The following TDRD9 variants were observed in gnomAD, a reference collection of about 807,000 sequenced individuals.
TDRD9 encodes tudor domain containing 9.
In TDRD9, 124 loss-of-function variants were observed where a neutral mutation model predicts 172.6. The observed-to-expected ratio is 0.72, with a 90% confidence interval of 0.62 to 0.83. TDRD9 has a LOEUF of 0.83. TDRD9 is among the 40% of genes least tolerant of loss of function. The pLI is 0.00. For missense variants in TDRD9, 1,479 were observed against 1,714.1 expected, an observed-to-expected ratio of 0.86 and a Z score of 2.42; for synonymous variants, 619 against 617.1, an observed-to-expected ratio of 1.00 and a Z score of -0.05.
intron 5 of TDRD9, among the ~76,000 whole-genome samples, chr14:103,970,254 C>T (rs1004088897): frequency 1.9e-4 from 29 of 152,112 alleles, no homozygotes; most frequent in African/African-American, 6.8e-4. Context: ...ACCTTGGGCA[C>T]AGTTGGCAGT....
intron 6 of TDRD9, among the ~76,000 whole-genome samples, chr14:103,974,520 C>A (rs960123795): frequency 3.3e-5 from 5 of 152,236 alleles, no homozygotes; most frequent in Non-Finnish European, 5.9e-5. Context: ...CCACTGTCGT[C>A]CTGGGACTTC....
At chr14:103,972,690 C>G (rs545573293) in intron 6 of TDRD9, among the ~76,000 whole-genome samples, 1 of 152,210 alleles carries the variant, frequency 6.6e-6, no homozygotes, top group African/African-American at 2.4e-5. Flanking sequence ...CTTTCTAAAC[C>G]ATAAAGCATT....
intron 1 of TDRD9, among the ~76,000 whole-genome samples, chr14:103,943,490 C>CAT (rs1180597468): frequency 2.7e-5 from 4 of 148,300 alleles, no homozygotes; most frequent in Non-Finnish European, 5.9e-5. Context: ...ATAATACACA[C>CAT]ATATATACAC....
At chr14:104,042,551 T>C (rs2035640285) in intron 34 of TDRD9, among the ~76,000 whole-genome samples, 1 of 151,674 alleles carries the variant, frequency 6.6e-6, no homozygotes, top group South Asian at 2.1e-4. Context: ...GCAGGGGAGG[T>C]TGGAGAAGGA....
chr14:103,982,368 C>T (rs191643233), intron 7 of TDRD9, among the ~76,000 whole-genome samples: 1 of 152,300 alleles, frequency 6.6e-6, no homozygotes, highest in Admixed American at 6.5e-5. Flanking sequence ...TCCCCTGTTG[C>T]CACTCAGACT....
intron 2 of TDRD9, among the ~76,000 whole-genome samples, chr14:103,956,264 C>CCCG (rs2032238185): frequency 6.7e-6 from 1 of 148,962 alleles, no homozygotes; most frequent in Non-Finnish European, 1.5e-5. Flanking sequence ...AGGGTAAAAC[C>CCCG]CCGTCTCTAC....
In TDRD9 at chr14:103,980,706, C is replaced by G. The variant is rs886682069; in HGVS notation, c.1011+5153C>G. 2.0e-5 allele frequency among the ~76,000 whole-genome samples: 3 copies of G among 152,110 alleles called. No homozygotes were observed. The highest frequency in any genetic ancestry group is 7.2e-5 in the African/African-American group (3 of 41,434). On this transcript the variant is annotated intron_variant, in intron 7 of 35. Transcript: ENST00000409874. This position sits in a 1 kb window ranked among gnomAD's most constrained non-coding sequence, Gnocchi z 4.5. ...AAGGGAGACTCCCTTTCCCGGTCTG[C>G]TGAGTAGCGGGTGTTTTTCCTTGAC...
intron 19 of TDRD9, among the ~76,000 whole-genome samples, 199 bp from the exon 20 acceptor site, chr14:104,008,214 T>C (rs2034505525): frequency 6.6e-6 from 1 of 152,222 alleles, no homozygotes; most frequent in South Asian, 2.1e-4. Context: ...TTCTGTATTG[T>C]GTTTATGGTT....
intron 2 of TDRD9, among the ~76,000 whole-genome samples, chr14:103,961,112 C>A (rs1031473704): frequency 9.9e-5 from 15 of 152,150 alleles, no homozygotes; most frequent in Non-Finnish European, 1.9e-4. Flanking sequence ...GGATTCTCTT[C>A]CCCTTCTTTC....
At chr14:104,045,914 C>T (rs545869388) in intron 34 of TDRD9, among the ~76,000 whole-genome samples, 5 of 152,222 alleles carry the variant, frequency 3.3e-5, no homozygotes, top group Non-Finnish European at 7.3e-5. Context: ...AAGTGACCCA[C>T]TCTCTGGTCT....
chr14:103,954,131 T>G (rs1191700648), intron 1 of TDRD9, among the ~76,000 whole-genome samples: 1 of 152,228 alleles, frequency 6.6e-6, no homozygotes, highest in Non-Finnish European at 1.5e-5. Context: ...CATATCACAA[T>G]TGTCTTTTTT....
chr14:103,962,937 G>T (rs1057385896), intron 2 of TDRD9, 142 bp from the exon 3 acceptor site: 1 of 542,182 alleles, frequency 1.8e-6, no homozygotes, highest in Non-Finnish European at 3.2e-6. Context: ...GGCAGTTTTA[G>T]CCTGTAGAAA....
intron 5 of TDRD9, 58 bp downstream of exon 5, chr14:103,966,889 G>A: frequency 6.8e-7 from 1 of 1,475,024 alleles, no homozygotes; most frequent in Non-Finnish European, 9.1e-7. Context: ...AAAACTCTCA[G>A]AGTATTGTGA....
chr14:103,945,968 G>T (rs1023247727), intron 1 of TDRD9, among the ~76,000 whole-genome samples: 12 of 147,744 alleles, frequency 8.1e-5, no homozygotes, highest in Admixed American at 6.8e-4. Flanking sequence ...ATATCTTTCT[G>T]TTTTTTTTTT....
At chr14:104,046,015 GGTGCA>G (rs2035764145) in intron 34 of TDRD9, among the ~76,000 whole-genome samples, 1 of 152,194 alleles carries the variant, frequency 6.6e-6, no homozygotes, top group African/African-American at 2.4e-5. Context: ...GGAGTACAGT[GGTGCA>G]GTCTCGACTC....
At chr14:104,040,811 G>A (rs1319052337) in intron 33 of TDRD9, among the ~76,000 whole-genome samples, 27 of 152,250 alleles carry the variant, frequency 1.8e-4, no homozygotes, top group Admixed American at 1.7e-3. Flanking sequence ...TCTGGGCACC[G>A]CACTAGCTCT....
Position 103,952,210 on chromosome 14 carries a change from ATATATATATATTTTTTTTTTTTTTT to A in TDRD9, c.216-3452_216-3428del, listed in dbSNP as rs1566734768. 5.5e-5 allele frequency among the ~76,000 whole-genome samples: 4 copies of A among 72,656 alleles called. 1 individual carries two copies. The highest frequency in any genetic ancestry group is 7.1e-4 in the East Asian group (2 of 2,798). The allele number at this position is 72,656 out of a possible 152,430, so 47.7% of individuals were successfully genotyped here. A position where few individuals can be genotyped will look rare whatever the true frequency, so the allele number is the denominator to read the frequency against. ...TGTGTGTATATATATATATATATATATATATATATATTTTTTTTTTTTTTTTTTTTTTTTTTTTTTTTTTTTTTGA... is the reference window on the plus strand; with the variant it reads ...TGTGTGTATATATATATATATATATATTTTTTTTTTTTTTTTTTTTTTTGA... On this transcript the variant is annotated intron_variant, in intron 1 of 35. Transcript: ENST00000409874.
chr14:104,033,084 C>T (rs1030338795), intron 30 of TDRD9, among the ~76,000 whole-genome samples: 1 of 152,102 alleles, frequency 6.6e-6, no homozygotes, highest in African/African-American at 2.4e-5. Flanking sequence ...AGGTGCCAAG[C>T]TTGTGGTAGA....
intron 1 of TDRD9, among the ~76,000 whole-genome samples, chr14:103,951,993 C>A (rs931215670): frequency 6.6e-6 from 1 of 150,440 alleles, no homozygotes. Flanking sequence ...TGGTCTCGAT[C>A]TCCTGACCTT....
Sources: allele counts gnomAD v4.1 joint callset (sites outside exome capture counted in the v4.1 genomes callset), GRCh38; gene constraint gnomAD v4.1.1; non-coding constraint Gnocchi (gnomAD v3.1); transcripts MANE v1.5; gene names NCBI Gene and HGNC (gene_info 2026-07-23, HGNC 2026-07-21).